RNGTT: variants seen among roughly 807,000 people sequenced by gnomAD.
The protein encoded by RNGTT is mRNA-capping enzyme.
A neutral mutation model predicts 79.3 loss-of-function variants in RNGTT; 33 were observed. The ratio of observed to expected loss-of-function variants is 0.42; its 90% CI spans 0.32 to 0.56. The LOEUF is 0.56. RNGTT is among the 20% of genes least tolerant of loss of function. The pLI is 0.17. For synonymous variants in RNGTT, 222 were observed against 235.9 expected, an observed-to-expected ratio of 0.94 and a Z score of 0.54; for missense variants, 497 against 739.1, an observed-to-expected ratio of 0.67 and a Z score of 3.80.
At chr6:88,704,158 G>GC (rs1214732269) in intron 13 of RNGTT, among the ~76,000 whole-genome samples, 1 of 150,246 alleles carries the variant, frequency 6.7e-6, no homozygotes, top group Non-Finnish European at 1.5e-5. Flanking sequence ...TACTCGGGAG[G>GC]CTGAGGCAGG....
chr6:88,736,565 G>T (rs1251263845), intron 13 of RNGTT, among the ~76,000 whole-genome samples: 1 of 152,122 alleles, frequency 6.6e-6, no homozygotes, highest in East Asian at 1.9e-4. Context: ...ACTCCTTATG[G>T]CTTATAGTAA....
intron 13 of RNGTT, among the ~76,000 whole-genome samples, chr6:88,765,538 T>C (rs1025432232): frequency 2.0e-5 from 3 of 152,208 alleles, no homozygotes; most frequent in African/African-American, 7.2e-5. Flanking sequence ...CAGACTTATA[T>C]TTACTTTGTT....
chr6:88,615,786 G>C (rs977961935), intron 14 of RNGTT, among the ~76,000 whole-genome samples: 4 of 152,138 alleles, frequency 2.6e-5, no homozygotes, highest in South Asian at 2.1e-4. Context: ...AATAATAATT[G>C]AAAGTGCCTG....
intron 14 of RNGTT, among the ~76,000 whole-genome samples, chr6:88,674,016 G>T (rs1046242908): frequency 6.6e-5 from 10 of 152,162 alleles, no homozygotes; most frequent in Non-Finnish European, 2.9e-5. Context: ...AGCGAGGGGG[G>T]TTTATGAAGA....
chr6:88,885,816 A>G (rs1187629446), intron 8 of RNGTT, among the ~76,000 whole-genome samples: 2 of 152,246 alleles, frequency 1.3e-5, no homozygotes, highest in Non-Finnish European at 2.9e-5. Flanking sequence ...CAAAGTTAAC[A>G]TCATCACTAA....
intron 13 of RNGTT, among the ~76,000 whole-genome samples, chr6:88,763,879 C>A (rs1465805433): frequency 6.6e-6 from 1 of 152,330 alleles, no homozygotes; most frequent in Middle Eastern, 3.4e-3. Context: ...TGAAGCAGTA[C>A]TCCAACTCAT....
chr6:88,609,989 C>T lies in RNGTT; in HGVS notation c.*2730G>A, dbSNP rs1771964224. Among the ~76,000 whole-genome samples, 1 of 152,128 alleles carries T rather than the reference C, an allele frequency of 6.6e-6. No individual in the cohort carries two copies. Among genetic ancestry groups the T allele is most frequent in the Admixed American group, 6.5e-5 (1 of 15,272 alleles). ...ACAGAATATCTACTCATACAGTAGA[C>T]TGCTAAGATTAGATGAAGAGAAATA... On this transcript the variant is annotated 3_prime_UTR_variant, in exon 16 of 16. Coordinates refer to ENST00000369485, the MANE Select transcript of RNGTT (RefSeq NM_003800.5).
chr6:88,693,776 G>A (rs573031322), intron 13 of RNGTT, among the ~76,000 whole-genome samples: 4 of 151,968 alleles, frequency 2.6e-5, no homozygotes, highest in Non-Finnish European at 4.4e-5. Context: ...ATTTATCCCC[G>A]GAATGAAAGG....
intron 4 of RNGTT, among the ~76,000 whole-genome samples, chr6:88,924,977 T>A (rs1784273960): frequency 6.6e-6 from 1 of 152,050 alleles, no homozygotes; most frequent in Non-Finnish European, 1.5e-5. Context: ...CATCTTAGCC[T>A]CCCAAAGTGC....
At position 88,879,044 on chromosome 6, in the gene RNGTT, C is replaced by T. The variant is rs185326587; in HGVS notation, c.896+11451G>A. On this transcript the variant is annotated intron_variant, in intron 8 of 15. Transcript: ENST00000369485. ...CACTACAAACATTATTAATGAGATA[C>T]ATATCAAGGGACCCAAGCAAGCTAT... 4.9e-3 allele frequency among the ~76,000 whole-genome samples: 753 copies of T among 152,264 alleles called. 5 individuals are homozygous for T. The highest frequency in any genetic ancestry group is 0.017 in the African/African-American group (697 of 41,544).
intron 13 of RNGTT, among the ~76,000 whole-genome samples, chr6:88,719,325 C>T (rs1355025559): frequency 6.6e-6 from 1 of 152,180 alleles, no homozygotes; most frequent in Admixed American, 6.5e-5. Context: ...ATTCAGTTAT[C>T]TGCTATTCTT....
chr6:88,763,756 G>T (rs1036403391), intron 13 of RNGTT, among the ~76,000 whole-genome samples: 5 of 152,156 alleles, frequency 3.3e-5, no homozygotes, highest in African/African-American at 1.2e-4. Flanking sequence ...GGGTCCAATG[G>T]TTGGAAGCCT....
intron 8 of RNGTT, among the ~76,000 whole-genome samples, chr6:88,856,646 T>C (rs988795690): frequency 1.3e-5 from 2 of 152,186 alleles, no homozygotes; most frequent in Admixed American, 1.3e-4. Context: ...TCTGCACACA[T>C]AAATTTTCAG....
chr6:88,775,833 T>C (rs1778858468), intron 12 of RNGTT, among the ~76,000 whole-genome samples: 1 of 152,206 alleles, frequency 6.6e-6, no homozygotes, highest in Non-Finnish European at 1.5e-5. Flanking sequence ...CTTAGTACAA[T>C]GCCCTCCAGC....
At chr6:88,911,339 T>C (rs1783825676) in intron 4 of RNGTT, among the ~76,000 whole-genome samples, 1 of 152,188 alleles carries the variant, frequency 6.6e-6, no homozygotes, top group Non-Finnish European at 1.5e-5. Flanking sequence ...GCTATTCTTG[T>C]TTCAGATAAA....
intron 14 of RNGTT, among the ~76,000 whole-genome samples, chr6:88,667,187 A>G (rs370293931): frequency 6.6e-6 from 1 of 152,096 alleles, no homozygotes; most frequent in East Asian, 1.9e-4. Flanking sequence ...TCTAGTGCCT[A>G]CTTATTCTAA....
At chr6:88,688,676 C>T (rs1775366362) in intron 13 of RNGTT, among the ~76,000 whole-genome samples, 1 of 152,154 alleles carries the variant, frequency 6.6e-6, no homozygotes, top group South Asian at 2.1e-4. Context: ...AATCAAAACA[C>T]TAAAATAAAA....
chr6:88,617,000 C>T (rs1287120926), intron 14 of RNGTT, among the ~76,000 whole-genome samples: 2 of 152,214 alleles, frequency 1.3e-5, no homozygotes, highest in Non-Finnish European at 2.9e-5. Flanking sequence ...TGGCCGGGCA[C>T]AGTGGCTCAC....
In RNGTT at chr6:88,929,156, T is replaced by G. The variant is rs182595506; in HGVS notation, c.278+8A>C. ...TTCAATATTAAAGAATCTTAATATA[T>G]AACTTACCCTTTACACTGAAGTTTT... On this transcript the variant is annotated splice_region_variant and intron_variant, in intron 3 of 15. Transcript: ENST00000369485. 18 of 1,574,160 alleles carry G rather than the reference T, an allele frequency of 1.1e-5. No homozygotes were observed. In the East Asian group the frequency reaches 4.0e-4, roughly 35 times the overall value.
Sources: allele counts gnomAD v4.1 joint callset (sites outside exome capture counted in the v4.1 genomes callset), GRCh38; gene constraint gnomAD v4.1.1; transcripts MANE v1.5; gene names NCBI Gene and HGNC (gene_info 2026-07-23, HGNC 2026-07-21).